The following PCDHA5 variants were observed in gnomAD, a reference collection of about 807,000 sequenced individuals.
PCDHA5 encodes the protein protocadherin alpha 5.
In PCDHA5, 43 loss-of-function variants were observed where a neutral mutation model predicts 61.6. That is an observed-to-expected ratio of 0.70 (90% CI 0.55 to 0.90). The LOEUF is 0.90. PCDHA5 is among the 40% of genes least tolerant of loss of function. The pLI is 0.00. For missense variants in PCDHA5, 1,298 were observed against 1,222.7 expected, an observed-to-expected ratio of 1.06 and a Z score of -0.92; for synonymous variants, 627 against 543.9, an observed-to-expected ratio of 1.15 and a Z score of -2.13.
At chr5:140,957,339 TGAGA>T (rs2095352193) in intron 1 of PCDHA5, among the ~76,000 whole-genome samples, 1 of 152,152 alleles carries the variant, frequency 6.6e-6, no homozygotes, top group African/African-American at 2.4e-5. Context: ...TAAGATATTT[TGAGA>T]GAGAGACCAC....
intron 1 of PCDHA5, chr5:140,858,025 G>C (rs992119806): frequency 1.9e-6 from 3 of 1,596,952 alleles, no homozygotes; most frequent in Non-Finnish European, 2.6e-6. Context: ...CGTCGCTGAC[G>C]GCCACGGCCA....
chr5:140,901,196 C>T (rs1294830498), intron 1 of PCDHA5, among the ~76,000 whole-genome samples: 7 of 152,222 alleles, frequency 4.6e-5, no homozygotes, highest in African/African-American at 1.7e-4. Flanking sequence ...CTTTTCTGTG[C>T]AGAAGGTTTT....
At chr5:140,875,524 C>T in intron 1 of PCDHA5, 1 of 1,614,084 alleles carries the variant, frequency 6.2e-7, no homozygotes, top group East Asian at 2.2e-5. Context: ...GCTGCTCTCG[C>T]TTCTGCTCCT....
chr5:141,006,029 G>A (rs539375544), intron 3 of PCDHA5, among the ~76,000 whole-genome samples: 12 of 151,322 alleles, frequency 7.9e-5, no homozygotes, highest in Non-Finnish European at 1.2e-4. Context: ...ATAATAGTAA[G>A]AGGGAGATTT....
intron 1 of PCDHA5, among the ~76,000 whole-genome samples, chr5:140,948,721 A>G (rs1392170905): frequency 2.0e-5 from 3 of 151,530 alleles, no homozygotes; most frequent in African/African-American, 7.2e-5. Flanking sequence ...CTTTTTTATC[A>G]ATAAGTCTAG....
intron 1 of PCDHA5, among the ~76,000 whole-genome samples, chr5:140,880,156 A>C (rs1301821759): frequency 6.6e-6 from 1 of 152,250 alleles, no homozygotes; most frequent in Non-Finnish European, 1.5e-5. Context: ...TATATCAAGT[A>C]TATGTTAGAA....
At chr5:140,881,993 A>C in intron 1 of PCDHA5, 1 of 454,088 alleles carries the variant, frequency 2.2e-6, no homozygotes, top group Non-Finnish European at 3.7e-6. Flanking sequence ...AATGTCAGGA[A>C]ATGCAAGGGG....
chr5:140,893,195 C>T (rs1445634918), intron 1 of PCDHA5, among the ~76,000 whole-genome samples: 2 of 152,164 alleles, frequency 1.3e-5, no homozygotes, highest in Admixed American at 1.3e-4. Context: ...GTGAATAGTG[C>T]TGCAGTAAGT....
At chr5:140,850,974 GT>G in intron 1 of PCDHA5, 1 of 1,455,106 alleles carries the variant, frequency 6.9e-7, no homozygotes, top group Non-Finnish European at 9.2e-7. Flanking sequence ...CGTTCAAATA[GT>G]TTTATTCATT....
chr5:140,830,374 G>T, intron 1 of PCDHA5: 2 of 1,614,156 alleles, frequency 1.2e-6, no homozygotes, highest in Non-Finnish European at 8.5e-7. Context: ...TGTGCTCCGG[G>T]GAGGGCCCAC....
rs780758944 is a variant in PCDHA5 at position 140,904,284 on chromosome 5, T to G, written c.2353-74665T>G. Among the ~76,000 whole-genome samples the G allele has an allele frequency of 1.3e-3, 196 of 152,216 alleles. 3 individuals carry two copies. The highest frequency in any genetic ancestry group is 1.2e-3 in the Non-Finnish European group (83 of 68,010). ...CACTTATGAATGAGAACATGTGGTG[T>G]TTGGTTTTCCATTCCTGAGTTTCTT... On this transcript the variant is annotated intron_variant, in intron 1 of 3. Transcript: ENST00000529859.
At chr5:140,967,357 T>C (rs782125763) in intron 1 of PCDHA5, 2 of 1,608,222 alleles carry the variant, frequency 1.2e-6, no homozygotes, top group Non-Finnish European at 1.7e-6. Context: ...AGCTGGACCT[T>C]AAGCCCCTGC....
At chr5:140,869,323 C>T in intron 1 of PCDHA5, 1 of 1,613,864 alleles carries the variant, frequency 6.2e-7, no homozygotes, top group South Asian at 1.1e-5. Flanking sequence ...ACATGGGGAC[C>T]TTCTGGAGGT....
At chr5:140,916,070 G>A (rs1554197282) in intron 1 of PCDHA5, among the ~76,000 whole-genome samples, 1 of 152,130 alleles carries the variant, frequency 6.6e-6, no homozygotes, top group Non-Finnish European at 1.5e-5. Flanking sequence ...CCTGTGGCCA[G>A]TACTACCACT....
Position 140,822,274 on chromosome 5 carries a change from T to A in PCDHA5, c.499T>A (p.Leu167Met), listed in dbSNP as rs201640591. Residue 167 changes from leucine (L) to methionine (M), a missense_variant, in exon 1 of 4, where the codon TTG becomes ATG. Physicochemically the swap from Leu to Met is conservative, Grantham distance 15. Coordinates refer to ENST00000529859, the MANE Select transcript of PCDHA5 (RefSeq NM_018908.3). The stretch of plus-strand genomic sequence containing the variant: ...TTTGGATATTGGAGCAAATGCACAA[T>A]TGAGATACAGGTTAAATCCAAACGA... The part of the protein sequence containing the change: ...SDLDIGANAQ[L>M]RYRLNPNEYF... 1 of 1,614,216 alleles carries A rather than the reference T, an allele frequency of 6.2e-7. No homozygotes were observed. The highest frequency in any genetic ancestry group is 8.5e-7 in the Non-Finnish European group (1 of 1,180,040).
intron 1 of PCDHA5, chr5:140,864,396 G>T (rs2048459702): frequency 6.6e-6 from 1 of 152,210 alleles, no homozygotes; most frequent in South Asian, 2.1e-4. Flanking sequence ...CACAAATGGT[G>T]ATGAGCAGGG....
At chr5:140,916,463 G>A (rs934007072) in intron 1 of PCDHA5, among the ~76,000 whole-genome samples, 2 of 152,212 alleles carry the variant, frequency 1.3e-5, no homozygotes, top group African/African-American at 2.4e-5. Flanking sequence ...TATCACTGCT[G>A]GTTATTTGGT....
intron 1 of PCDHA5, chr5:140,869,202 C>T (rs2050919461): frequency 3.1e-6 from 5 of 1,613,890 alleles, no homozygotes; most frequent in African/African-American, 2.7e-5. Flanking sequence ...AGCTCCACTA[C>T]TCCGTCTCGG....
At chr5:140,987,560 G>A (rs2097259227) in intron 3 of PCDHA5, among the ~76,000 whole-genome samples, 36 of 152,130 alleles carry the variant, frequency 2.4e-4, no homozygotes, top group Admixed American at 2.4e-3. Flanking sequence ...CTGATTCTCA[G>A]TTTCTTTCTC....
Sources: allele counts gnomAD v4.1 joint callset (sites outside exome capture counted in the v4.1 genomes callset), GRCh38; gene constraint gnomAD v4.1.1; transcripts MANE v1.5; gene names NCBI Gene and HGNC (gene_info 2026-07-23, HGNC 2026-07-21).